CCDC102B: variants seen among roughly 807,000 people sequenced by gnomAD.
CCDC102B encodes coiled-coil domain-containing protein 102B.
CCDC102B carries 75 observed loss-of-function variants against 57.4 expected under a neutral mutation model. That is an observed-to-expected ratio of 1.31 (90% confidence interval 1.08 to 1.58). CCDC102B has a LOEUF of 1.58. Ranked by LOEUF, CCDC102B falls within the 40% of genes most tolerant of loss-of-function variation. CCDC102B has a pLI of 0.00. For missense variants in CCDC102B, 636 were observed against 582.6 expected, an observed-to-expected ratio of 1.09 and a Z score of -0.94; for synonymous variants, 206 against 201.9, an observed-to-expected ratio of 1.02 and a Z score of -0.17.
chr18:69,029,224 A>G (rs1317334757), intron 7 of CCDC102B, among the ~76,000 whole-genome samples: 1 of 152,190 alleles, frequency 6.6e-6, no homozygotes, highest in Non-Finnish European at 1.5e-5. Context: ...ATTTATAGAC[A>G]TGTATTATCT....
At chr18:68,884,496 G>A (rs1047117630) in intron 5 of CCDC102B, among the ~76,000 whole-genome samples, 3 of 151,552 alleles carry the variant, frequency 2.0e-5, no homozygotes, top group Non-Finnish European at 4.4e-5. Context: ...GAACAAAAAA[G>A]TGGGTCCCAG....
chr18:68,801,023 A>G (rs553742466), intron 1 of CCDC102B, among the ~76,000 whole-genome samples: 14 of 152,120 alleles, frequency 9.2e-5, no homozygotes, highest in Admixed American at 1.3e-4. Context: ...TTTTTGTTCA[A>G]TGTATACATG....
In CCDC102B at chr18:68,853,672, TAAAAAAAAAAAA is replaced by T. The variant is rs71175201; in HGVS notation, c.936+7270_936+7281del. ...CGAATTTTTCTTTATCCCCAAATTG[TAAAAAAAAAAAA>T]AAAAAAAAAAAAAAAAAATCTGACT... On this transcript the variant is annotated intron_variant, in intron 4 of 7. Transcript: ENST00000360242. Among the ~76,000 whole-genome samples, 516 of 94,670 alleles carry T rather than the reference TAAAAAAAAAAAA, an allele frequency of 5.5e-3. 3 individuals are homozygous for T. The highest frequency in any genetic ancestry group is 7.8e-3 in the Non-Finnish European group (380 of 48,902). The allele number at this position is 94,670 out of a possible 152,430, so 62.1% of individuals were successfully genotyped here.
intron 6 of CCDC102B, among the ~76,000 whole-genome samples, chr18:68,924,843 T>C (rs1366084713): frequency 3.3e-5 from 5 of 152,090 alleles, no homozygotes; most frequent in African/African-American, 4.8e-5. Flanking sequence ...TACAAACACT[T>C]ATGCCAAATG....
intron 1 of CCDC102B, among the ~76,000 whole-genome samples, chr18:68,817,736 A>T (rs911152521): frequency 2.0e-4 from 31 of 152,234 alleles, no homozygotes; most frequent in African/African-American, 7.0e-4. Flanking sequence ...AGGAAAATTG[A>T]TTACTCGGTC....
intron 1 of CCDC102B, among the ~76,000 whole-genome samples, chr18:68,832,481 C>A (rs2037187016): frequency 6.6e-6 from 1 of 152,052 alleles, no homozygotes. Flanking sequence ...ATATTCAACC[C>A]ACTTTATTTT....
rs1474609121 is a variant in CCDC102B at position 69,030,717 on chromosome 18, T to C, written c.1434+19613T>C. Among the ~76,000 whole-genome samples the C allele has an allele frequency of 3.9e-5, 6 of 152,258 alleles. No individual in the cohort carries two copies. The East Asian group carries it at 1.2e-3, about 29-fold the overall frequency. ...TCACCCAGGCTGGAGTGCAGTGGCG[T>C]GATCTCGGCTCACTGCAACCTCCAC... On this transcript the variant is annotated intron_variant, in intron 7 of 7. Transcript: ENST00000360242.
intron 4 of CCDC102B, among the ~76,000 whole-genome samples, chr18:68,847,899 G>A (rs1193503814): frequency 6.6e-6 from 1 of 151,584 alleles, no homozygotes. Context: ...AACATTGTTT[G>A]AATTATTTAT....
At chr18:69,055,383 G>A (rs139301878), downstream of CCDC102B, among the ~76,000 whole-genome samples, 355 of 152,152 alleles carry the variant, frequency 2.3e-3, 1 homozygote, top group African/African-American at 8.2e-3. Context: ...TACTCTTGCT[G>A]GGTTCTGATG....
chr18:68,790,190 C>G (rs1404281830), intron 2 of CCDC102B, among the ~76,000 whole-genome samples: 1 of 151,218 alleles, frequency 6.6e-6, no homozygotes, highest in Non-Finnish European at 1.5e-5. Context: ...TGCCCATTCT[C>G]AGATCTCCAG....
intron 6 of CCDC102B, among the ~76,000 whole-genome samples, chr18:68,958,368 G>A (rs898961955): frequency 4.6e-5 from 7 of 152,132 alleles, no homozygotes; most frequent in African/African-American, 1.7e-4. Context: ...ATATGACATA[G>A]CACCTTGATT....
chr18:68,805,235 A>T (rs1240142806), intron 1 of CCDC102B, among the ~76,000 whole-genome samples: 1 of 152,232 alleles, frequency 6.6e-6, no homozygotes, highest in African/African-American at 2.4e-5. Flanking sequence ...GAAGATAGCT[A>T]ATGTATGGGA....
At chr18:68,933,822 T>C (rs4427910) in intron 6 of CCDC102B, among the ~76,000 whole-genome samples, 43,424 of 151,652 alleles carry the variant, frequency 0.29, 7,348 homozygotes, top group East Asian at 0.64. Context: ...AATTTTGAAT[T>C]TGAAACATAA....
chr18:68,860,475 C>CAAAAA lies in CCDC102B; in HGVS notation c.936+14063_936+14067dup, dbSNP rs1169097862. ...AATTAAAAAAAAACAAAAACAAAAA[C>CAAAAA]AAAAAAAAAAAAAGACACTACAGGA... On this transcript the variant is annotated intron_variant, in intron 4 of 7. Transcript: ENST00000360242. 4.4e-3 allele frequency among the ~76,000 whole-genome samples: 235 copies of CAAAAA among 52,916 alleles called. 1 individual carries two copies. The highest frequency in any genetic ancestry group is 9.3e-3 in the Non-Finnish European group (188 of 20,322). The allele number at this position is 52,916 out of a possible 152,430, so 34.7% of individuals were successfully genotyped here.
chr18:68,904,814 A>G (rs925626948), intron 6 of CCDC102B, among the ~76,000 whole-genome samples: 1 of 152,168 alleles, frequency 6.6e-6, no homozygotes, highest in Admixed American at 6.5e-5. Context: ...TGCATATATG[A>G]AACGTTATTA....
At chr18:69,020,309 T>C (rs765595252) in intron 7 of CCDC102B, among the ~76,000 whole-genome samples, 10 of 152,140 alleles carry the variant, frequency 6.6e-5, no homozygotes, top group Non-Finnish European at 1.5e-5. Flanking sequence ...AACTTTAAGA[T>C]GGCATTCATG....
chr18:68,967,160 G>A (rs927691828), intron 6 of CCDC102B, among the ~76,000 whole-genome samples: 7 of 89,072 alleles, frequency 7.9e-5, no homozygotes, highest in African/African-American at 3.2e-4. Flanking sequence ...CCTCTTTTCG[G>A]TGTGTAGAAC....
At chr18:69,016,913 T>G (rs184356775) in intron 7 of CCDC102B, among the ~76,000 whole-genome samples, 19 of 152,300 alleles carry the variant, frequency 1.2e-4, no homozygotes, top group Admixed American at 1.2e-3. Flanking sequence ...GCAATCTTCT[T>G]TGGTTCTCAA....
intron 6 of CCDC102B, among the ~76,000 whole-genome samples, chr18:68,985,908 G>A (rs1355107083): frequency 6.6e-6 from 1 of 152,094 alleles, no homozygotes; most frequent in East Asian, 1.9e-4. Context: ...ATCAACACAG[G>A]AATTAAGATG....
Sources: allele counts gnomAD v4.1 joint callset (sites outside exome capture counted in the v4.1 genomes callset), GRCh38; gene constraint gnomAD v4.1.1; transcripts MANE v1.5; gene names NCBI Gene and HGNC (gene_info 2026-07-23, HGNC 2026-07-21).